Variants in FAM20C observed in about 807,000 individuals in gnomAD.
FAM20C encodes the protein extracellular serine/threonine protein kinase FAM20C.
A neutral mutation model predicts 51.5 loss-of-function variants in FAM20C; 40 were observed. The ratio of observed to expected loss-of-function variants is 0.78; its 90% CI spans 0.60 to 1.01. The LOEUF (loss-of-function observed/expected upper bound fraction) is 1.01, where lower values mean the gene tolerates loss of function less well. Ranked by LOEUF, FAM20C falls within the 50% of genes least tolerant of loss-of-function variation. The pLI is 0.00. For synonymous variants in FAM20C, 406 were observed against 380.6 expected, an observed-to-expected ratio of 1.07 and a Z score of -0.78; for missense variants, 861 against 844.7, an observed-to-expected ratio of 1.02 and a Z score of -0.24.
intron 3 of FAM20C, among the ~76,000 whole-genome samples, chr7:224,232 G>T (rs868502827): frequency 1.9e-3 from 159 of 85,618 alleles, no homozygotes; most frequent in African/African-American, 5.6e-3. Context: ...CTTCTCTCAC[G>T]GAGCAGAACG....
In FAM20C at chr7:241,314, G is replaced by A. The variant is rs965593153; in HGVS notation, c.864-5101G>A. Among the ~76,000 whole-genome samples the A allele has an allele frequency of 7.9e-5, 12 of 152,324 alleles. No homozygotes were observed. The East Asian group carries it at 1.4e-3, about 17-fold the overall frequency. On this transcript the variant is annotated intron_variant, in intron 3 of 9. Transcript: ENST00000313766. ...CAGAACACAGGGTCAGATGGGAGCC[G>A]CCAGATGGGATGTGCTTTAATGACC...
intron 2 of FAM20C, among the ~76,000 whole-genome samples, chr7:204,707 G>A (rs913651474): frequency 6.6e-6 from 1 of 152,158 alleles, no homozygotes; most frequent in Non-Finnish European, 1.5e-5. Flanking sequence ...CAGTGTTCAG[G>A]GAGGGGAAGT....
intron 4 of FAM20C, among the ~76,000 whole-genome samples, chr7:246,905 C>T (rs370463979): frequency 7.9e-5 from 12 of 152,160 alleles, no homozygotes; most frequent in African/African-American, 2.7e-4. Context: ...AGGGAGAGGG[C>T]GCCTGCCCTC....
At chr7:206,734 C>T (rs112255404) in intron 2 of FAM20C, among the ~76,000 whole-genome samples, 988 of 34,024 alleles carry the variant, frequency 0.029, 53 homozygotes, top group African/African-American at 0.034. Flanking sequence ...CCCTCGGCCC[C>T]GCACACGTGC....
At chr7:247,088 A>G (rs1306266744) in intron 4 of FAM20C, among the ~76,000 whole-genome samples, 2 of 152,244 alleles carry the variant, frequency 1.3e-5, no homozygotes, top group African/African-American at 4.8e-5. Flanking sequence ...CACAGAGCAC[A>G]GGCTTCTCTG....
At chr7:226,340 G>A (rs974596576) in intron 3 of FAM20C, among the ~76,000 whole-genome samples, 1 of 152,158 alleles carries the variant, frequency 6.6e-6, no homozygotes, top group East Asian at 1.9e-4. Context: ...ACAGTGCAGG[G>A]GGTGGAAGGT....
At chr7:223,691 G>T (rs1454834817) in intron 3 of FAM20C, among the ~76,000 whole-genome samples, 4 of 152,232 alleles carry the variant, frequency 2.6e-5, no homozygotes, top group Admixed American at 6.5e-5. Context: ...CACAGGGAGG[G>T]GCCCTTACGC....
At chr7:259,270 C>T (rs1040321444) in intron 9 of FAM20C, among the ~76,000 whole-genome samples, 11 of 152,320 alleles carry the variant, frequency 7.2e-5, no homozygotes, top group East Asian at 1.9e-4. Context: ...ATCCTCCTGC[C>T]GGGCCCCTCT....
intron 3 of FAM20C, among the ~76,000 whole-genome samples, chr7:240,995 C>T (rs1787930975): frequency 6.6e-6 from 1 of 152,196 alleles, no homozygotes; most frequent in South Asian, 2.1e-4. Flanking sequence ...AGAGCTGACT[C>T]ATATTCTAGA....
intron 6 of FAM20C, 68 bp downstream of exon 6, chr7:256,097 A>G (rs957749180): frequency 3.3e-6 from 5 of 1,502,900 alleles, no homozygotes; most frequent in Non-Finnish European, 4.4e-6. Flanking sequence ...CTGGGCGGGC[A>G]TGGGAGGGTC....
At chr7:241,597 CAT>C (rs1787948440) in intron 3 of FAM20C, among the ~76,000 whole-genome samples, 1 of 148,508 alleles carries the variant, frequency 6.7e-6, no homozygotes, top group South Asian at 2.1e-4. Flanking sequence ...TGCGAGTGTG[CAT>C]ATATGTCCAT....
At chr7:209,654 T>G (rs979311674) in intron 3 of FAM20C, among the ~76,000 whole-genome samples, 7 of 152,186 alleles carry the variant, frequency 4.6e-5, no homozygotes, top group Non-Finnish European at 1.0e-4. Context: ...GCTGCTGGGC[T>G]GGGTGGGGTC....
intron 4 of FAM20C, among the ~76,000 whole-genome samples, chr7:247,133 C>T (rs1446158718): frequency 6.6e-6 from 1 of 152,202 alleles, no homozygotes; most frequent in Non-Finnish European, 1.5e-5. Flanking sequence ...GAGGGGGAAG[C>T]GATGTTTGTG....
rs10277457 is a variant in FAM20C, at chr7:195,501, A to G, written c.606-53A>G. The G allele has an allele frequency of 0.085, 117,929 of 1,389,182 alleles. 5,537 individuals are homozygous for G. Among genetic ancestry groups the G allele is most frequent in the African/African-American group, 0.14 (9,330 of 68,586 alleles). 86.1% of individuals were successfully genotyped at this position (1,389,182 alleles called of 1,614,324 possible). ...GTCGGTGCCCTCTCCCCGTCATCCG[A>G]CTCACGGGCCTGTTCTTTCCATGCT... On this transcript the variant is annotated intron_variant, in intron 1 of 9. Coordinates refer to ENST00000313766, the MANE Select transcript of FAM20C (RefSeq NM_020223.4).
intron 3 of FAM20C, among the ~76,000 whole-genome samples, chr7:223,548 C>T (rs936742119): frequency 6.6e-6 from 1 of 152,176 alleles, no homozygotes; most frequent in African/African-American, 2.4e-5. Flanking sequence ...GGGGCAGATG[C>T]CGTGGGGCGG....
intron 3 of FAM20C, among the ~76,000 whole-genome samples, chr7:245,669 A>T (rs560103554): frequency 3.9e-5 from 6 of 152,376 alleles, no homozygotes; most frequent in African/African-American, 1.4e-4. Flanking sequence ...CGTTTCCACC[A>T]TGACCACATC....
intron 3 of FAM20C, among the ~76,000 whole-genome samples, chr7:210,231 C>T (rs1270177212): frequency 6.6e-6 from 1 of 151,658 alleles, no homozygotes; most frequent in Non-Finnish European, 1.5e-5. Flanking sequence ...CTGCGGGGGG[C>T]CTGAGATCAC....
intron 2 of FAM20C, among the ~76,000 whole-genome samples, chr7:208,147 G>A (rs1786524562): frequency 6.6e-6 from 1 of 152,170 alleles, no homozygotes; most frequent in South Asian, 2.1e-4. Context: ...GGGGGTGCGT[G>A]GGTGTGTGTG....
At chr7:229,376 C>T (rs1182222382) in intron 3 of FAM20C, 1 of 165,622 alleles carries the variant, frequency 6.0e-6, no homozygotes, top group African/African-American at 2.4e-5. Context: ...GTTCTCCTGA[C>T]TCACACATGG....
Sources: allele counts gnomAD v4.1 joint callset (sites outside exome capture counted in the v4.1 genomes callset), GRCh38; gene constraint gnomAD v4.1.1; transcripts MANE v1.5; gene names NCBI Gene and HGNC (gene_info 2026-07-23, HGNC 2026-07-21).